The following SLAIN2 variants were observed in gnomAD, a reference collection of about 807,000 sequenced individuals.
SLAIN2 encodes SLAIN family member 2, also known as SLAIN motif-containing protein 2.
Under a neutral mutation model 56.6 loss-of-function variants are expected in SLAIN2, and 31 were observed. The ratio of observed to expected loss-of-function variants is 0.55; its 90% confidence interval spans 0.41 to 0.74. The LOEUF is 0.74. Ranked by LOEUF, SLAIN2 falls within the 30% of genes least tolerant of loss-of-function variation. The pLI is 0.00. For synonymous variants in SLAIN2, 317 were observed against 284.9 expected (o/e 1.11, Z -1.13); for missense variants, 777 against 754.2 (o/e 1.03, Z -0.35).
intron 2 of SLAIN2, among the ~76,000 whole-genome samples, chr4:48,376,723 G>GC (rs1715824083): frequency 7.0e-6 from 1 of 142,816 alleles, no homozygotes; most frequent in South Asian, 2.3e-4. Context: ...CCGGGTTCAC[G>GC]CCATTCTCCT....
intron 1 of SLAIN2, among the ~76,000 whole-genome samples, chr4:48,351,076 C>T (rs1714997955): frequency 6.6e-6 from 1 of 152,216 alleles, no homozygotes; most frequent in Non-Finnish European, 1.5e-5. Flanking sequence ...CTCTCCTACT[C>T]CATTCAGGAG....
chr4:48,387,444 A>G, intron 6 of SLAIN2: 1 of 152,074 alleles, frequency 6.6e-6, no homozygotes, highest in East Asian at 1.9e-4. Flanking sequence ...GATTCCAATC[A>G]TTGATTTACT....
intron 6 of SLAIN2, among the ~76,000 whole-genome samples, chr4:48,396,922 A>G (rs145620044): frequency 2.7e-4 from 41 of 152,348 alleles, no homozygotes; most frequent in Middle Eastern, 3.4e-3. Context: ...TTGAATGAAT[A>G]TAGTCATGCT....
intron 6 of SLAIN2, chr4:48,387,414 A>G (rs1046461853): frequency 1.5e-4 from 23 of 152,218 alleles, no homozygotes; most frequent in Non-Finnish European, 2.1e-4. Context: ...TAAGGAATAT[A>G]TATAGGGAAA....
chr4:48,372,766 T>A (rs1299074817), intron 2 of SLAIN2, among the ~76,000 whole-genome samples: 1 of 152,196 alleles, frequency 6.6e-6, no homozygotes, highest in Non-Finnish European at 1.5e-5. Context: ...CATAGAACAA[T>A]AGCTACAGCT....
At chr4:48,350,729 T>C (rs1468598933) in intron 1 of SLAIN2, among the ~76,000 whole-genome samples, 1 of 152,216 alleles carries the variant, frequency 6.6e-6, no homozygotes, top group Non-Finnish European at 1.5e-5. Context: ...AACTAGCTTA[T>C]TTAAGAGGAA....
intron 6 of SLAIN2, among the ~76,000 whole-genome samples, chr4:48,414,260 C>G (rs1328227030): frequency 6.6e-6 from 1 of 152,030 alleles, no homozygotes; most frequent in Non-Finnish European, 1.5e-5. Context: ...TGGGTAATAA[C>G]TTAATATTTA....
chr4:48,342,090 G>A lies in SLAIN2; in HGVS notation c.351G>A (p.Leu117=). The part of the protein sequence containing the change: ...DEVEPLRPDE[L]ERLSGWEEEE... The stretch of plus-strand genomic sequence containing the variant: ...TGGAGCCGCTGCGGCCCGACGAGCT[G>A]GAGCGCCTGTCAGGCTGGGAGGAGG... Residue 117 remains leucine, a synonymous_variant, in exon 1 of 8, where the codon CTG becomes CTA. Transcript: ENST00000264313. 7 of 1,366,858 alleles carry A rather than the reference G, an allele frequency of 5.1e-6. No individual in the cohort carries two copies. Among genetic ancestry groups the A allele is most frequent in the Non-Finnish European group, 6.6e-6 (7 of 1,066,948 alleles). 84.7% of individuals were successfully genotyped at this position (1,366,858 alleles called of 1,614,324 possible).
rs1270429454 is a variant in SLAIN2 at position 48,378,030 on chromosome 4, G to A, written c.673G>A (p.Val225Ile). 1 of 1,613,512 alleles carries A rather than the reference G, an allele frequency of 6.2e-7. No individual in the cohort carries two copies. Among genetic ancestry groups the A allele is most frequent in the Non-Finnish European group, 8.5e-7 (1 of 1,179,796 alleles). Reference sequence around the variant, plus strand: ...CTCAACCCCAGTGCGACCTCCTATAGTCAAACAGCTTATACTTCCTGGAAA... The same window carrying A: ...CTCAACCCCAGTGCGACCTCCTATAATCAAACAGCTTATACTTCCTGGAAA... Reference protein sequence around the residue: ...PSSTPVRPPIVKQLILPGNSG... With the variant: ...PSSTPVRPPIIKQLILPGNSG... Residue 225 changes from valine to isoleucine, a missense_variant, in exon 3 of 8, where the codon GTC (valine) becomes ATC (isoleucine). Transcript: ENST00000264313.
In SLAIN2 at chr4:48,377,336, A is replaced by ATT. The variant is rs34493417; in HGVS notation, c.539-540_539-539dup. 2.2e-3 allele frequency among the ~76,000 whole-genome samples: 257 copies of ATT among 117,470 alleles called. 2 individuals carry two copies. The highest frequency in any genetic ancestry group is 4.3e-3 in the Middle Eastern group (1 of 232). The allele number at this position is 117,470 out of a possible 152,430, so 77.1% of individuals were successfully genotyped here. On this transcript the variant is annotated intron_variant, in intron 2 of 7. Transcript: ENST00000264313. ...TAGCATGCACCACCATGCCTGGCTA[A>ATT]TTTTTTTTTTTTTTTTTTTTTAAGT...
At position 48,382,721 on chromosome 4, in the gene SLAIN2, T is replaced by TTG; in HGVS notation, c.1017_1018insGT (p.Asn340ValfsTer33). On this transcript the variant is annotated frameshift_variant, in exon 5 of 8. Transcript: ENST00000264313. LOFTEE classifies it high-confidence loss of function. The stretch of plus-strand genomic sequence containing the variant: ...ATGCATCATGCAGTATACCCTGCTG[T>TTG]TAACAGGTTTTCACCATCACCACGC... 1 of 1,613,746 alleles carries TTG rather than the reference T, an allele frequency of 6.2e-7. No homozygotes were observed. The highest frequency in any genetic ancestry group is 8.5e-7 in the Non-Finnish European group (1 of 1,179,850).
chr4:48,424,899 G>A lies in SLAIN2; in HGVS notation c.*2822G>A, dbSNP rs1424716287. ...GAATGTACAGGTGTCCATTTTTGAC[G>A]TTAAGCATGGTCCTTTAAGGTCACA... On this transcript the variant is annotated 3_prime_UTR_variant, in exon 8 of 8. Transcript: ENST00000264313. 21 of 151,978 alleles carry A rather than the reference G, an allele frequency of 1.4e-4. No individual in the cohort carries two copies. The highest frequency in any genetic ancestry group is 2.2e-4 in the Non-Finnish European group (15 of 67,962). 9.4% of individuals were successfully genotyped at this position (151,978 alleles called of 1,614,324 possible).
chr4:48,409,870 C>A (rs1716798482), intron 6 of SLAIN2, among the ~76,000 whole-genome samples: 1 of 152,088 alleles, frequency 6.6e-6, no homozygotes, highest in Non-Finnish European at 1.5e-5. Context: ...GACGACAGAG[C>A]AAGACTCCAT....
intron 1 of SLAIN2, among the ~76,000 whole-genome samples, chr4:48,355,792 A>G (rs537266189): frequency 1.3e-5 from 2 of 151,974 alleles, no homozygotes; most frequent in South Asian, 4.1e-4. Context: ...GATTATATCT[A>G]ATTACATATA....
chr4:48,382,468 C>T (rs1210178371), intron 4 of SLAIN2, 100 bp from the exon 5 acceptor site: 14 of 1,234,068 alleles, frequency 1.1e-5, no homozygotes, highest in African/African-American at 3.0e-5. Flanking sequence ...ACACTTTACA[C>T]CCTCTTTGAA....
chr4:48,379,636 T>G (rs1715919675), intron 3 of SLAIN2, 54 bp from the exon 4 acceptor site: 1 of 1,304,212 alleles, frequency 7.7e-7, no homozygotes, highest in Admixed American at 3.3e-5. Flanking sequence ...AGTAGGCATT[T>G]ATTCAATAGT....
At chr4:48,391,054 G>A (rs1238692530) in intron 6 of SLAIN2, among the ~76,000 whole-genome samples, 1 of 152,000 alleles carries the variant, frequency 6.6e-6, no homozygotes, top group Non-Finnish European at 1.5e-5. Flanking sequence ...CAGTGTCTTC[G>A]CAGTTAAAAT....
chr4:48,394,132 A>G (rs1417271706), intron 6 of SLAIN2, among the ~76,000 whole-genome samples: 1 of 152,192 alleles, frequency 6.6e-6, no homozygotes, highest in Non-Finnish European at 1.5e-5. Flanking sequence ...CTTTTTGAGT[A>G]TGCAGATTAT....
intron 2 of SLAIN2, among the ~76,000 whole-genome samples, chr4:48,372,205 C>G (rs898461916): frequency 1.3e-5 from 2 of 152,124 alleles, no homozygotes. Flanking sequence ...GTTCTCAACA[C>G]TGAAGTTATG....
Sources: gnomAD v4.1 joint callset for allele counts (sites outside exome capture counted in the v4.1 genomes callset) on GRCh38, gnomAD v4.1.1 for gene constraint, MANE v1.5 for transcripts, NCBI Gene and HGNC (gene_info 2026-07-23, HGNC 2026-07-21) for gene names.